The following ATP10B variants were observed in gnomAD, a reference collection of about 807,000 sequenced individuals.
ATP10B encodes ATPase phospholipid transporting 10B (putative), also known as phospholipid-transporting ATPase VB.
A neutral mutation model predicts 141.2 loss-of-function variants in ATP10B; 122 were observed. The ratio of observed to expected loss-of-function variants is 0.86; its 90% CI spans 0.75 to 1.00. The LOEUF (loss-of-function observed/expected upper bound fraction) is 1.00. Ranked by LOEUF, ATP10B falls within the 50% of genes least tolerant of loss-of-function variation. The pLI, the probability that ATP10B is intolerant of heterozygous loss-of-function variation, is 0.00. For synonymous variants in ATP10B, 685 were observed against 692.0 expected, an observed-to-expected ratio of 0.99 and a Z score of 0.16; for missense variants, 1,876 against 1,825.3, an observed-to-expected ratio of 1.03 and a Z score of -0.51.
intron 10 of ATP10B, among the ~76,000 whole-genome samples, chr5:160,638,904 T>C (rs1759622550): frequency 6.6e-6 from 1 of 152,146 alleles, no homozygotes; most frequent in Non-Finnish European, 1.5e-5. Flanking sequence ...CCTCTTTATC[T>C]ACACTCTGAG....
chr5:160,748,868 G>A (rs2127819076), intron 2 of ATP10B, among the ~76,000 whole-genome samples: 1 of 152,280 alleles, frequency 6.6e-6, no homozygotes, highest in Non-Finnish European at 1.5e-5. Flanking sequence ...AAATTATTAG[G>A]AATAAAATAA....
chr5:160,745,749 G>T (rs1767768521), intron 2 of ATP10B, among the ~76,000 whole-genome samples: 2 of 152,206 alleles, frequency 1.3e-5, no homozygotes, highest in African/African-American at 2.4e-5. Context: ...CTCAACCATG[G>T]TTCAGAGAGT....
Position 160,570,353 on chromosome 5 carries a change from G to A in ATP10B, c.3751-670C>T, listed in dbSNP as rs567201524. On this transcript the variant is annotated intron_variant, in intron 24 of 25. Coordinates refer to ENST00000327245, the MANE Select transcript of ATP10B (RefSeq NM_025153.3). ...ATTTTGAAATACACAATCGGCTAAT[G>A]TTAACTATAGTCATTCTATTGTTCT... Among the ~76,000 whole-genome samples the A allele has an allele frequency of 6.6e-4, 100 of 152,148 alleles. 2 individuals carry two copies. The South Asian group carries it at 0.015, about 23-fold the overall frequency.
chr5:160,733,632 T>C (rs1766894741), intron 2 of ATP10B, among the ~76,000 whole-genome samples: 1 of 151,778 alleles, frequency 6.6e-6, no homozygotes. Flanking sequence ...TACACATATA[T>C]GTAACACATA....
chr5:160,841,972 G>A (rs1222944433), intron 1 of ATP10B, among the ~76,000 whole-genome samples: 2 of 152,134 alleles, frequency 1.3e-5, no homozygotes, highest in Admixed American at 6.5e-5. Flanking sequence ...TGATCCACCC[G>A]CCTCGGCCTC....
the ATP10B span, among the ~76,000 whole-genome samples, chr5:160,888,279 A>C: frequency 6.6e-6 from 1 of 152,126 alleles, no homozygotes; most frequent in African/African-American, 2.4e-5. Context: ...AAAGAGTATC[A>C]GCACCTCTGA....
chr5:160,802,145 C>T (rs1192309164), intron 1 of ATP10B, among the ~76,000 whole-genome samples: 2 of 152,120 alleles, frequency 1.3e-5, no homozygotes, highest in African/African-American at 2.4e-5. Flanking sequence ...TACCAGTTCA[C>T]ATTAGGTGCG....
At chr5:160,648,998 A>T (rs558028700) in intron 8 of ATP10B, among the ~76,000 whole-genome samples, 173 bp downstream of exon 8, 7 of 151,834 alleles carry the variant, frequency 4.6e-5, no homozygotes, top group Admixed American at 3.9e-4. Context: ...TCAGCAAAAA[A>T]AAAAAAATAG....
the ATP10B span, among the ~76,000 whole-genome samples, chr5:160,899,229 G>T: frequency 6.6e-6 from 1 of 152,124 alleles, no homozygotes; most frequent in Non-Finnish European, 1.5e-5. Flanking sequence ...GAAAGTGGGG[G>T]GGAGGGGTCA....
chr5:160,683,046 A>ACCC (rs1561748531), intron 6 of ATP10B, among the ~76,000 whole-genome samples: 2 of 146,362 alleles, frequency 1.4e-5, no homozygotes, highest in Non-Finnish European at 1.5e-5. Flanking sequence ...CCCCCAAAAA[A>ACCC]AAAAAAAAAA....
intron 1 of ATP10B, among the ~76,000 whole-genome samples, chr5:160,808,094 A>T (rs1314570730): frequency 6.6e-6 from 1 of 152,236 alleles, no homozygotes; most frequent in Non-Finnish European, 1.5e-5. Flanking sequence ...CAATATGAAC[A>T]CCTTGACTGG....
At chr5:160,703,076 T>C (rs1237729664) in intron 3 of ATP10B, among the ~76,000 whole-genome samples, 1 of 152,214 alleles carries the variant, frequency 6.6e-6, no homozygotes, top group African/African-American at 2.4e-5. Context: ...GATTTTCATA[T>C]GTGATGAAAT....
intron 7 of ATP10B, among the ~76,000 whole-genome samples, chr5:160,657,043 G>A (rs936159825): frequency 1.3e-5 from 2 of 152,178 alleles, no homozygotes; most frequent in African/African-American, 4.8e-5. Context: ...CAAAATGGCG[G>A]CACTGACCGT....
chr5:160,609,181 G>T (rs1757570976), intron 18 of ATP10B, among the ~76,000 whole-genome samples: 1 of 152,080 alleles, frequency 6.6e-6, no homozygotes, highest in Non-Finnish European at 1.5e-5. Context: ...AAGGGAGGAT[G>T]ATTTTACATT....
chr5:160,588,721 G>T (rs991498375), intron 24 of ATP10B, among the ~76,000 whole-genome samples: 3 of 152,204 alleles, frequency 2.0e-5, no homozygotes, highest in Non-Finnish European at 4.4e-5. Context: ...AACACAAAGG[G>T]CTCTAGAGGT....
At chr5:160,795,445 G>T (rs1771874196) in intron 1 of ATP10B, among the ~76,000 whole-genome samples, 1 of 152,036 alleles carries the variant, frequency 6.6e-6, no homozygotes. Context: ...TGGCCCCTTT[G>T]TTTTCTAGCA....
intron 19 of ATP10B, 125 bp from the exon 20 acceptor site, chr5:160,604,166 A>T: frequency 1.4e-6 from 1 of 720,426 alleles, no homozygotes; most frequent in Non-Finnish European, 2.5e-6. Context: ...TGCTATAGAA[A>T]GTCATTGCTA....
intron 1 of ATP10B, among the ~76,000 whole-genome samples, chr5:160,807,684 CTG>C (rs1188177970): frequency 6.6e-6 from 1 of 152,188 alleles, no homozygotes; most frequent in East Asian, 1.9e-4. Flanking sequence ...TGAACACTCT[CTG>C]TATCCATATG....
intron 1 of ATP10B, among the ~76,000 whole-genome samples, chr5:160,849,618 T>TACACACACACACACACACACACACAC (rs796968833): frequency 4.0e-5 from 6 of 148,238 alleles, no homozygotes; most frequent in African/African-American, 1.5e-4. Flanking sequence ...TACTGGCAAT[T>TACACACACACACACACACACACACAC]ACACACACAC....
Sources: allele counts gnomAD v4.1 joint callset (sites outside exome capture counted in the v4.1 genomes callset), GRCh38; gene constraint gnomAD v4.1.1; transcripts MANE v1.5; gene names NCBI Gene and HGNC (gene_info 2026-07-23, HGNC 2026-07-21).